The following DDHD1 variants were observed in gnomAD, a reference collection of about 807,000 sequenced individuals.
The protein encoded by DDHD1 is phospholipase DDHD1.
DDHD1 carries 49 observed loss-of-function variants against 96.4 expected under a neutral mutation model. The ratio of observed to expected loss-of-function variants is 0.51; its 90% confidence interval spans 0.40 to 0.64. The LOEUF is 0.64. Ranked by LOEUF, DDHD1 falls within the 30% of genes least tolerant of loss-of-function variation. The pLI, the probability that DDHD1 is intolerant of heterozygous loss-of-function variation, is 0.00. For synonymous variants in DDHD1, 442 were observed against 446.5 expected, an observed-to-expected ratio of 0.99 and a Z score of 0.13; for missense variants, 1,106 against 1,161.2, an observed-to-expected ratio of 0.95 and a Z score of 0.69.
chr14:53,096,930 G>A (rs1012196378), intron 2 of DDHD1, among the ~76,000 whole-genome samples: 1 of 151,994 alleles, frequency 6.6e-6, no homozygotes, highest in African/African-American at 2.4e-5. Flanking sequence ...AGACAACATA[G>A]AGTAAAGCTA....
rs752912147 is a variant in DDHD1, at chr14:53,061,182, G to A, written c.1786C>T (p.Arg596Trp). 3.7e-6 allele frequency: 6 copies of A among 1,610,942 alleles called. No homozygotes were observed. Among genetic ancestry groups the A allele is most frequent in the South Asian group, 3.3e-5 (3 of 90,420 alleles). The part of the protein sequence containing the change: ...TKRRLKEIEE[R>W]LHGLKASSMT... ...GATGATGCTTTCAATCCGTGAAGCC[G>A]TTCTTCTATTTCCTTCAGCCTAAGA... is the stretch of plus-strand genomic sequence containing the variant. The change falls in exon 8 of 13, where the codon CGG becomes TGG. Residue 596 changes from arginine (R) to tryptophan (W), a missense_variant. Arg to Trp is a moderately radical substitution (Grantham distance 101). Around this residue, in one of 2 missense-constraint regions of DDHD1, gnomAD observed 650 missense variants for 758.8 expected, o/e 0.86. Transcript: ENST00000673822.
chr14:53,108,295 A>G (rs1345184196), intron 1 of DDHD1, among the ~76,000 whole-genome samples: 2 of 152,188 alleles, frequency 1.3e-5, no homozygotes, highest in Non-Finnish European at 2.9e-5. Context: ...GGTTCATCCT[A>G]ATTGAGCTGA....
intron 1 of DDHD1, among the ~76,000 whole-genome samples, chr14:53,144,162 G>A (rs756661104): frequency 1.3e-5 from 2 of 152,206 alleles, no homozygotes; most frequent in Non-Finnish European, 2.9e-5. Context: ...GTAAATAGGT[G>A]AAAGAATAAA....
intron 4 of DDHD1, among the ~76,000 whole-genome samples, chr14:53,089,254 G>A (rs1949325232): frequency 1.3e-5 from 2 of 152,110 alleles, no homozygotes; most frequent in Non-Finnish European, 2.9e-5. Flanking sequence ...GTAATTTATA[G>A]ATTCAATGCC....
chr14:53,103,188 G>C (rs1887439530), intron 2 of DDHD1: 3 of 739,654 alleles, frequency 4.1e-6, no homozygotes, highest in Non-Finnish European at 6.3e-6. Flanking sequence ...AAATATGCAA[G>C]TGCTGAATAA....
At chr14:53,149,183 A>G (rs1190929310) in intron 1 of DDHD1, among the ~76,000 whole-genome samples, 2 of 152,238 alleles carry the variant, frequency 1.3e-5, no homozygotes, top group African/African-American at 4.8e-5. Flanking sequence ...CTGCTAGTCA[A>G]GTTCAAAAGG....
At position 53,043,985 on chromosome 14, in the gene DDHD1, TG is replaced by T. The variant is rs1881839442; in HGVS notation, c.*2782del. 1 of 152,198 alleles carries T rather than the reference TG, an allele frequency of 6.6e-6. No individual in the cohort carries two copies. The highest frequency in any genetic ancestry group is 2.1e-4 in the South Asian group (1 of 4,830). The allele number at this position is 152,198 out of a possible 1,614,324, so 9.4% of individuals were successfully genotyped here. On this transcript the variant is annotated 3_prime_UTR_variant, in exon 13 of 13. Coordinates refer to ENST00000673822, the MANE Select transcript of DDHD1 (RefSeq NM_001160148.2). ...CACAAAATAGAGAATAAAATTTTAA[TG>T]GTATCAAAAACAAAACTTTTTTTGG...
chr14:53,058,684 A>C, intron 8 of DDHD1, 58 bp from the exon 9 acceptor site: 1 of 1,511,662 alleles, frequency 6.6e-7, no homozygotes, highest in East Asian at 2.3e-5. Context: ...CTTTCAACAA[A>C]ATTTGGGCAT....
chr14:53,085,851 C>T (rs1369478759), intron 4 of DDHD1, among the ~76,000 whole-genome samples: 1 of 152,124 alleles, frequency 6.6e-6, no homozygotes. Context: ...ACAAACTTCT[C>T]TGAGCTAAAG....
chr14:53,094,460 G>T (rs1047010536), intron 2 of DDHD1, among the ~76,000 whole-genome samples: 1 of 152,190 alleles, frequency 6.6e-6, no homozygotes, highest in Non-Finnish European at 1.5e-5. Context: ...CAGCACTCTG[G>T]GAGGCTTAGG....
chr14:53,143,492 G>A (rs1192616200), intron 1 of DDHD1, among the ~76,000 whole-genome samples: 1 of 152,106 alleles, frequency 6.6e-6, no homozygotes, highest in African/African-American at 2.4e-5. Flanking sequence ...AAGGAGACAG[G>A]GTCATTTATA....
rs1370187969 is a variant in DDHD1 at position 53,043,023 on chromosome 14, C to A, written c.*3745G>T. 1 of 152,134 alleles carries A rather than the reference C, an allele frequency of 6.6e-6. No individual in the cohort carries two copies. Among genetic ancestry groups the A allele is most frequent in the African/African-American group, 2.4e-5 (1 of 41,424 alleles). 9.4% of individuals were successfully genotyped at this position (152,134 alleles called of 1,614,324 possible). A position where few individuals can be genotyped will look rare whatever the true frequency, so the allele number is the denominator to read the frequency against. On this transcript the variant is annotated 3_prime_UTR_variant, in exon 13 of 13. Transcript: ENST00000673822. ...TCTACTACAGACTTTACAGGAAAAT[C>A]TTTTGGCTTGATCTGACTCCACTGG...
intron 1 of DDHD1, among the ~76,000 whole-genome samples, chr14:53,117,820 T>C (rs1595209008): frequency 6.6e-6 from 1 of 152,136 alleles, no homozygotes. Context: ...CAGCAGGGCA[T>C]TCGAACTCTG....
intron 1 of DDHD1, among the ~76,000 whole-genome samples, chr14:53,115,985 CAT>C (rs1197463534): frequency 1.3e-5 from 2 of 152,128 alleles, no homozygotes; most frequent in South Asian, 2.1e-4. Flanking sequence ...AGACCCATCT[CAT>C]GTGCAAAGAC....
At chr14:53,101,475 TTTC>T (rs1249026302) in intron 2 of DDHD1, among the ~76,000 whole-genome samples, 1 of 152,186 alleles carries the variant, frequency 6.6e-6, no homozygotes, top group Non-Finnish European at 1.5e-5. Flanking sequence ...AAAAACAAAT[TTTC>T]TTCTAATGAA....
chr14:53,065,782 A>G (rs147676732), intron 6 of DDHD1, among the ~76,000 whole-genome samples: 92 of 152,340 alleles, frequency 6.0e-4, no homozygotes, highest in African/African-American at 2.1e-3. Flanking sequence ...ACCTTAGTGC[A>G]TATCTCCATT....
chr14:53,141,079 A>G (rs542398119), intron 1 of DDHD1, among the ~76,000 whole-genome samples: 12 of 152,350 alleles, frequency 7.9e-5, no homozygotes, highest in East Asian at 5.8e-4. Context: ...GCAAAAACCA[A>G]TATAACTTTA....
At chr14:53,152,127 C>T in intron 1 of DDHD1, 134 bp downstream of exon 1, 2 of 899,018 alleles carry the variant, frequency 2.2e-6, no homozygotes, top group African/African-American at 1.7e-5. Context: ...CCTGCTCAAT[C>T]TCCATCCTGC....
At chr14:53,138,850 A>T (rs1479558953) in intron 1 of DDHD1, among the ~76,000 whole-genome samples, 1 of 152,156 alleles carries the variant, frequency 6.6e-6, no homozygotes, top group Non-Finnish European at 1.5e-5. Flanking sequence ...CCAGGAACTC[A>T]TAAGAAAGAC....
Sources: allele counts gnomAD v4.1 joint callset (sites outside exome capture counted in the v4.1 genomes callset), GRCh38; gene constraint gnomAD v4.1.1; regional missense constraint gnomAD v4.1.1; transcripts MANE v1.5; gene names NCBI Gene and HGNC (gene_info 2026-07-23, HGNC 2026-07-21).